The following REDIC1 variants were observed in gnomAD, a reference collection of about 807,000 sequenced individuals.
The protein encoded by REDIC1 is HEI10 Interacting Protein 1.
the REDIC1 span, among the ~76,000 whole-genome samples, chr12:39,862,190 A>C: frequency 6.6e-6 from 1 of 152,154 alleles, no homozygotes; most frequent in South Asian, 2.1e-4. Context: ...AAAATATTCT[A>C]AAAAGGAGAT....
At chr12:39,826,653 T>C in the REDIC1 span, among the ~76,000 whole-genome samples, 1 of 151,220 alleles carries the variant, frequency 6.6e-6, no homozygotes, top group Non-Finnish European at 1.5e-5. Context: ...AAGGCTTTTT[T>C]CTAAAAGTTC....
the REDIC1 span, among the ~76,000 whole-genome samples, chr12:39,713,620 G>C: frequency 6.8e-6 from 1 of 146,536 alleles, no homozygotes; most frequent in Non-Finnish European, 1.5e-5. Flanking sequence ...ATGTATATAC[G>C]CATGTATACA....
chr12:39,676,308 C>A, the REDIC1 span, among the ~76,000 whole-genome samples: 1 of 151,852 alleles, frequency 6.6e-6, no homozygotes, highest in Non-Finnish European at 1.5e-5. Flanking sequence ...ACAAAATACA[C>A]TGGAAAGTTT....
chr12:39,646,339 A>G, the REDIC1 span: 6 of 1,293,768 alleles, frequency 4.6e-6, no homozygotes, highest in African/African-American at 9.2e-5. Flanking sequence ...AAACTGTGAG[A>G]AAACCAACCC....
At chr12:39,779,500 A>G in the REDIC1 span, among the ~76,000 whole-genome samples, 4 of 152,362 alleles carry the variant, frequency 2.6e-5, no homozygotes, top group East Asian at 3.9e-4. Flanking sequence ...CCCAGGCGTC[A>G]TAGGCCAGCA....
the REDIC1 span, among the ~76,000 whole-genome samples, chr12:39,898,222 T>C: frequency 7.7e-4 from 118 of 152,294 alleles, no homozygotes; most frequent in Middle Eastern, 6.8e-3. Flanking sequence ...TTTAAGACTA[T>C]AGATACCTAT....
the REDIC1 span, among the ~76,000 whole-genome samples, chr12:39,648,533 T>C: frequency 6.6e-6 from 1 of 151,482 alleles, no homozygotes; most frequent in Non-Finnish European, 1.5e-5. Context: ...AAATATAAAA[T>C]ATATAAATAT....
chr12:39,691,405 A>G, the REDIC1 span, among the ~76,000 whole-genome samples: 1 of 152,312 alleles, frequency 6.6e-6, no homozygotes, highest in South Asian at 2.1e-4. Context: ...CATAATTCAT[A>G]TAGTAAGCCA....
chr12:39,815,853 T>C, the REDIC1 span, among the ~76,000 whole-genome samples: 39 of 152,328 alleles, frequency 2.6e-4, no homozygotes, highest in East Asian at 5.6e-3. Flanking sequence ...AGAGATCCAA[T>C]TGTCAAATAA....
chr12:39,854,101 C>CA, the REDIC1 span, among the ~76,000 whole-genome samples: 812 of 137,142 alleles, frequency 5.9e-3, 3 homozygotes, highest in African/African-American at 0.014. Context: ...TTGACATAAG[C>CA]AAAAAAAAAA....
the REDIC1 span, among the ~76,000 whole-genome samples, chr12:39,886,545 T>C: frequency 1.3e-5 from 2 of 152,070 alleles, no homozygotes; most frequent in Admixed American, 1.3e-4. Context: ...CACCGAGAAG[T>C]ATTGAACCAT....
At chr12:39,770,358 G>A in the REDIC1 span, among the ~76,000 whole-genome samples, 1 of 152,056 alleles carries the variant, frequency 6.6e-6, no homozygotes, top group East Asian at 1.9e-4. Context: ...TGACTACAAC[G>A]AAATGACCTC....
At chr12:39,711,851 A>G in the REDIC1 span, among the ~76,000 whole-genome samples, 2 of 77,300 alleles carry the variant, frequency 2.6e-5, no homozygotes, top group African/African-American at 6.0e-5. Flanking sequence ...ATACACATGC[A>G]TGTGTATGTG....
At chr12:39,688,416 G>A in the REDIC1 span, among the ~76,000 whole-genome samples, 1 of 152,160 alleles carries the variant, frequency 6.6e-6, no homozygotes, top group African/African-American at 2.4e-5. Context: ...ATACTAAGAT[G>A]TCAGAGTACA....
the REDIC1 span, among the ~76,000 whole-genome samples, chr12:39,862,148 G>T: frequency 3.2e-4 from 49 of 152,196 alleles, no homozygotes; most frequent in African/African-American, 1.2e-3. Flanking sequence ...ATTGAATCAG[G>T]CCTTGGAAAA....
the REDIC1 span, among the ~76,000 whole-genome samples, chr12:39,771,922 C>T: frequency 2.6e-5 from 4 of 152,114 alleles, no homozygotes; most frequent in African/African-American, 7.2e-5. Flanking sequence ...GTATCTCCTA[C>T]TCATGACGTT....
At chr12:39,653,585 C>CTTCTTCTTT in the REDIC1 span, among the ~76,000 whole-genome samples, 4 of 75,220 alleles carry the variant, frequency 5.3e-5, 1 homozygote, top group Non-Finnish European at 8.1e-5. Context: ...TCTTCCTCTT[C>CTTCTTCTTT]TTCTTCCTCT....
chr12:39,812,503 T>C, the REDIC1 span, among the ~76,000 whole-genome samples: 1 of 151,728 alleles, frequency 6.6e-6, no homozygotes, highest in Non-Finnish European at 1.5e-5. Flanking sequence ...GATAGATGCT[T>C]GCTCTGTTGC....
chr12:39,711,386 T>C, the REDIC1 span, among the ~76,000 whole-genome samples: 2 of 138,438 alleles, frequency 1.4e-5, no homozygotes, highest in East Asian at 2.1e-4. Flanking sequence ...CATATATGTA[T>C]GTGTGTACAT....
Sources: gnomAD v4.1 joint callset for allele counts (sites outside exome capture counted in the v4.1 genomes callset) on GRCh38, gnomAD v4.1.1 for gene constraint, MANE v1.5 for transcripts, NCBI Gene and HGNC (gene_info 2026-07-23, HGNC 2026-07-21) for gene names.